The following LMO7 variants were observed in gnomAD, a reference collection of about 807,000 sequenced individuals.
The protein encoded by LMO7 is LIM domain 7.
In LMO7, 120 loss-of-function variants were observed where a neutral mutation model predicts 206.5. That is an observed-to-expected ratio of 0.58 (90% CI 0.50 to 0.68). The LOEUF is 0.68. LMO7 is among the 30% of genes least tolerant of loss of function. The probability of loss-of-function intolerance (pLI) is 0.00; values close to 1 mark genes in which losing one functional copy is unlikely to be tolerated. For missense variants in LMO7, 1,959 were observed against 1,957.9 expected, an observed-to-expected ratio of 1.00 and a Z score of -0.01; for synonymous variants, 706 against 681.5, an observed-to-expected ratio of 1.04 and a Z score of -0.56.
chr13:75,740,732 G>T (rs561680222), intron 3 of LMO7, among the ~76,000 whole-genome samples: 1 of 152,222 alleles, frequency 6.6e-6, no homozygotes, highest in South Asian at 2.1e-4. Flanking sequence ...AGCAGCATTG[G>T]TACTGGGCTG....
intron 26 of LMO7, among the ~76,000 whole-genome samples, chr13:75,846,856 C>T (rs1447350742): frequency 6.6e-6 from 1 of 152,032 alleles, no homozygotes; most frequent in Admixed American, 6.6e-5. Flanking sequence ...CATAGTGAAA[C>T]CCCATCTCTA....
In LMO7 at chr13:75,727,188, C is replaced by T. The variant is rs116943268; in HGVS notation, c.210+90C>T. On this transcript the variant is annotated intron_variant, in intron 3 of 30. Coordinates refer to ENST00000377534, the MANE Select transcript of LMO7 (RefSeq NM_001306080.2). ...GGCAGATTTTTGTATCTGCAATTAC[C>T]ACTGAAATTAGGTTATGGTTTTTTT... 6,692 of 734,694 alleles carry T rather than the reference C, an allele frequency of 9.1e-3. 32 individuals are homozygous for T. The highest frequency in any genetic ancestry group is 0.013 in the Non-Finnish European group (5,646 of 432,724). The allele number at this position is 734,694 out of a possible 1,614,324, so 45.5% of individuals were successfully genotyped here. A position where few individuals can be genotyped will look rare whatever the true frequency, so the allele number is the denominator to read the frequency against.
chr13:75,668,710 G>T (rs957703427), intron 1 of LMO7, among the ~76,000 whole-genome samples: 1 of 152,056 alleles, frequency 6.6e-6, no homozygotes, highest in Non-Finnish European at 1.5e-5. Flanking sequence ...TCTGTAGAAG[G>T]TTGGTCTAAT....
intron 1 of LMO7, among the ~76,000 whole-genome samples, chr13:75,705,041 G>A (rs1336206735): frequency 1.3e-5 from 2 of 152,202 alleles, no homozygotes; most frequent in Non-Finnish European, 2.9e-5. Context: ...GGCCACAGGT[G>A]GTAAGACAGG....
At chr13:75,713,749 A>G (rs1450124308) in intron 2 of LMO7, among the ~76,000 whole-genome samples, 1 of 152,210 alleles carries the variant, frequency 6.6e-6, no homozygotes, top group Non-Finnish European at 1.5e-5. Context: ...CAATTAATAG[A>G]CACCATTGAG....
chr13:75,761,232 TCATAA>T (rs2048185839), intron 4 of LMO7, among the ~76,000 whole-genome samples, 194 bp downstream of exon 4: 1 of 152,138 alleles, frequency 6.6e-6, no homozygotes, highest in African/African-American at 2.4e-5. Context: ...TGTTTGTAAC[TCATAA>T]CATAGCATAG....
In LMO7 at chr13:75,778,578, G is replaced by A. The variant is rs116230183; in HGVS notation, c.318-16823G>A. 6.9e-3 allele frequency among the ~76,000 whole-genome samples: 1,045 copies of A among 152,310 alleles called. 14 individuals are homozygous for A. Among genetic ancestry groups the A allele is most frequent in the African/African-American group, 0.024 (999 of 41,570 alleles). ...GCGCCCTTAAGCAGATGTAAGCACC[G>A]TAAGGCATATTGAGTTTTTTTGAAG... On this transcript the variant is annotated intron_variant, in intron 4 of 30. Coordinates refer to ENST00000377534, the MANE Select transcript of LMO7 (RefSeq NM_001306080.2).
At chr13:75,737,786 A>AC (rs1555305751) in intron 3 of LMO7, among the ~76,000 whole-genome samples, 1 of 83,852 alleles carries the variant, frequency 1.2e-5, no homozygotes, top group Non-Finnish European at 3.2e-5. Flanking sequence ...ATAAAATAAA[A>AC]AAAAAAAAAA....
intron 4 of LMO7, among the ~76,000 whole-genome samples, chr13:75,768,889 A>G (rs2049251730): frequency 2.6e-5 from 4 of 152,106 alleles, no homozygotes. Flanking sequence ...TGCTTTATTC[A>G]TTAAATGCTA....
rs1240937141 is a variant in LMO7, at chr13:75,626,595, A to ATTTTTTTTTTTTT, written c.225+3282_225+3283insTTTTTTTTTTTTT. On this transcript the variant is annotated intron_variant, in intron 2 of 29. Transcript: ENST00000341547. ...ATATATATTATATATATATATATAAATTTTTTTGAGACAGGGTCTCACTCT... is the reference window on the plus strand; with the variant it reads ...ATATATATTATATATATATATATAAATTTTTTTTTTTTTTTTTTTTGAGACAGGGTCTCACTCT... Among the ~76,000 whole-genome samples, 21 of 71,174 alleles carry ATTTTTTTTTTTTT rather than the reference A, an allele frequency of 3.0e-4. 1 individual carries two copies. The highest frequency in any genetic ancestry group is 5.9e-4 in the East Asian group (1 of 1,684). The allele number at this position is 71,174 out of a possible 152,430, so 46.7% of individuals were successfully genotyped here. A position where few individuals can be genotyped will look rare whatever the true frequency, so the allele number is the denominator to read the frequency against.
chr13:75,785,849 G>A (rs534492345), intron 4 of LMO7, among the ~76,000 whole-genome samples: 1 of 152,086 alleles, frequency 6.6e-6, no homozygotes, highest in Non-Finnish European at 1.5e-5. Flanking sequence ...ATATTATCAA[G>A]TTTTATATTG....
Position 75,823,842 on chromosome 13 carries a change from T to C in LMO7, c.2918T>C (p.Ile973Thr). ...ATGTCTGAATCTGGAGAAGGGGAAA[T>C]CTCCCCACAAAGAGAAGTCTCAAGA... Reference protein sequence around the residue: ...DLMSESGEGEISPQREVSRSQ... With the variant: ...DLMSESGEGETSPQREVSRSQ... Residue 973 changes from isoleucine (I) to threonine (T), a missense_variant, in exon 15 of 31, where the codon ATC becomes ACC. Physicochemically the swap from Ile to Thr is moderately conservative, Grantham distance 89. Coordinates refer to ENST00000377534, the MANE Select transcript of LMO7 (RefSeq NM_001306080.2). 1 of 1,614,008 alleles carries C rather than the reference T, an allele frequency of 6.2e-7. No homozygotes were observed. The highest frequency in any genetic ancestry group is 8.5e-7 in the Non-Finnish European group (1 of 1,179,936).
At chr13:75,851,971 AT>A (rs1383613446) in intron 27 of LMO7, among the ~76,000 whole-genome samples, 11 of 152,136 alleles carry the variant, frequency 7.2e-5, no homozygotes, top group Non-Finnish European at 1.5e-4. Flanking sequence ...TAAAAAAAAA[AT>A]CTTAGTGTTA....
chr13:75,679,514 G>C (rs1310288661), intron 1 of LMO7, among the ~76,000 whole-genome samples: 1 of 152,210 alleles, frequency 6.6e-6, no homozygotes, highest in Non-Finnish European at 1.5e-5. Context: ...CATCTAAAAT[G>C]CTTATTAAAC....
At chr13:75,748,531 A>G (rs1208467522) in intron 3 of LMO7, among the ~76,000 whole-genome samples, 2 of 152,250 alleles carry the variant, frequency 1.3e-5, no homozygotes, top group Non-Finnish European at 2.9e-5. Flanking sequence ...GTAAGAACTC[A>G]GTAAATATTA....
At chr13:75,681,706 G>GTGTA (rs1259746833) in intron 1 of LMO7, among the ~76,000 whole-genome samples, 9,120 of 91,978 alleles carry the variant, frequency 0.099, 1,040 homozygotes, top group Non-Finnish European at 0.15. Context: ...GTATGTATGT[G>GTGTA]TATATATATA....
chr13:75,630,800 C>CT (rs2138801535), intron 2 of LMO7, among the ~76,000 whole-genome samples: 1 of 150,206 alleles, frequency 6.7e-6, no homozygotes, highest in African/African-American at 2.4e-5. Flanking sequence ...TATACACTGC[C>CT]TGTTTTCTTT....
At chr13:75,665,602 C>T (rs1037705460) in intron 1 of LMO7, among the ~76,000 whole-genome samples, 4 of 152,070 alleles carry the variant, frequency 2.6e-5, no homozygotes, top group African/African-American at 9.6e-5. Flanking sequence ...TCTCAGCTCA[C>T]GGCAACCTCC....
intron 1 of LMO7, among the ~76,000 whole-genome samples, chr13:75,651,049 A>C (rs1232331046): frequency 2.6e-5 from 4 of 152,314 alleles, no homozygotes; most frequent in East Asian, 1.9e-4. Flanking sequence ...TTTTAAAGCC[A>C]ATTTGCAAAC....
Sources: gnomAD v4.1 joint callset for allele counts (sites outside exome capture counted in the v4.1 genomes callset) on GRCh38, gnomAD v4.1.1 for gene constraint, MANE v1.5 for transcripts, NCBI Gene and HGNC (gene_info 2026-07-23, HGNC 2026-07-21) for gene names.